The following GRIK4 variants were observed in gnomAD, a reference collection of about 807,000 sequenced individuals.
GRIK4 encodes the protein glutamate receptor ionotropic, kainate 4.
GRIK4 carries 40 observed loss-of-function variants against 104.9 expected under a neutral mutation model. The observed-to-expected ratio is 0.38, with a 90% CI of 0.30 to 0.50. The LOEUF (loss-of-function observed/expected upper bound fraction) is 0.50, where lower values mean the gene tolerates loss of function less well. GRIK4 is among the 20% of genes least tolerant of loss of function. GRIK4 has a pLI of 0.93. For synonymous variants in GRIK4, 485 were observed against 524.9 expected (o/e 0.92, Z 1.04); for missense variants, 1,047 against 1,308.1 (o/e 0.80, Z 3.08).
intron 8 of GRIK4, among the ~76,000 whole-genome samples, chr11:120,852,224 G>A (rs1398277567): frequency 6.6e-6 from 1 of 152,230 alleles, no homozygotes; most frequent in African/African-American, 2.4e-5. Flanking sequence ...AATGAAGACA[G>A]ACCCAGCTGC....
chr11:120,692,028 C>G (rs780692576), intron 3 of GRIK4, among the ~76,000 whole-genome samples: 1 of 152,220 alleles, frequency 6.6e-6, no homozygotes, highest in Non-Finnish European at 1.5e-5. Flanking sequence ...CTGAACACAG[C>G]CCCTCTATGG....
At position 120,736,101 on chromosome 11, in the gene GRIK4, G is replaced by A. The variant is rs1461675115; in HGVS notation, c.83-66592G>A. 3.3e-5 allele frequency among the ~76,000 whole-genome samples: 5 copies of A among 152,166 alleles called. No individual in the cohort carries two copies. The East Asian group carries it at 9.7e-4, about 29-fold the overall frequency. On this transcript the variant is annotated intron_variant, in intron 3 of 20. Coordinates refer to ENST00000527524, the MANE Select transcript of GRIK4 (RefSeq NM_014619.5). ...CAAGGCCCATGGTCTGTATTCCCTGGGTATCACTGTTGGTTATTCAGGGCC... is the reference window on the plus strand; with the variant it reads ...CAAGGCCCATGGTCTGTATTCCCTGAGTATCACTGTTGGTTATTCAGGGCC...
chr11:120,690,332 G>T (rs1220734633), intron 3 of GRIK4, among the ~76,000 whole-genome samples: 2 of 152,184 alleles, frequency 1.3e-5, no homozygotes, highest in African/African-American at 4.8e-5. Flanking sequence ...GTTCGAGAAT[G>T]ATCTTTTGTG....
At chr11:120,752,311 A>T (rs918541873) in intron 3 of GRIK4, among the ~76,000 whole-genome samples, 2 of 152,224 alleles carry the variant, frequency 1.3e-5, no homozygotes, top group African/African-American at 2.4e-5. Context: ...CAGAGTTTTG[A>T]GGCAACTGGG....
chr11:120,772,689 G>A (rs1051749845), intron 3 of GRIK4, among the ~76,000 whole-genome samples: 1 of 151,832 alleles, frequency 6.6e-6, no homozygotes, highest in Non-Finnish European at 1.5e-5. Flanking sequence ...ATTTTATATT[G>A]TGGGGAGAAG....
In GRIK4 at chr11:120,865,688, T is replaced by G. The variant is rs112363271; in HGVS notation, c.906+3568T>G. Among the ~76,000 whole-genome samples, 27 of 152,042 alleles carry G rather than the reference T, an allele frequency of 1.8e-4. 1 individual carries two copies. Among genetic ancestry groups the G allele is most frequent in the African/African-American group, 6.5e-4 (27 of 41,350 alleles). ...AACTCAGTGTTAGGGAGTGAGGAAA[T>G]GTACTCTCCCTTTTAGAGGAAAAAA... On this transcript the variant is annotated intron_variant, in intron 9 of 20. Coordinates refer to ENST00000527524, the MANE Select transcript of GRIK4 (RefSeq NM_014619.5).
intron 8 of GRIK4, among the ~76,000 whole-genome samples, chr11:120,854,053 A>G (rs1954043504): frequency 6.6e-6 from 1 of 152,256 alleles, no homozygotes; most frequent in South Asian, 2.1e-4. Context: ...GTTCACTTCC[A>G]ATTGTGGTCG....
intron 1 of GRIK4, among the ~76,000 whole-genome samples, chr11:120,646,717 G>T (rs909611043): frequency 6.6e-6 from 1 of 152,210 alleles, no homozygotes; most frequent in African/African-American, 2.4e-5. Flanking sequence ...CTGAGAGATA[G>T]GGAGTCAGAC....
At chr11:120,531,912 G>A (rs1947927862) in intron 1 of GRIK4, among the ~76,000 whole-genome samples, 1 of 152,280 alleles carries the variant, frequency 6.6e-6, no homozygotes, top group East Asian at 1.9e-4. Context: ...CCTCATGGTT[G>A]TGGCCCAAGG....
At chr11:120,901,576 T>G (rs1942739385) in intron 12 of GRIK4, among the ~76,000 whole-genome samples, 1 of 152,206 alleles carries the variant, frequency 6.6e-6, no homozygotes, top group African/African-American at 2.4e-5. Flanking sequence ...CCTTCTAGGA[T>G]GAGAGCTCCT....
intron 2 of GRIK4, among the ~76,000 whole-genome samples, chr11:120,659,540 G>A (rs975749002): frequency 2.6e-5 from 4 of 152,258 alleles, no homozygotes; most frequent in East Asian, 1.9e-4. Context: ...ACACTGAGCC[G>A]AGACACAGAG....
chr11:120,733,858 C>A (rs565284526), intron 3 of GRIK4, among the ~76,000 whole-genome samples: 2 of 152,058 alleles, frequency 1.3e-5, no homozygotes, highest in African/African-American at 4.8e-5. Context: ...CTGCCTCAGC[C>A]TCCTGAGTAG....
At chr11:120,823,795 G>C (rs1953184683) in intron 6 of GRIK4, among the ~76,000 whole-genome samples, 1 of 152,214 alleles carries the variant, frequency 6.6e-6, no homozygotes, top group Non-Finnish European at 1.5e-5. Flanking sequence ...GTGCAGTAGG[G>C]GACGGCCCAC....
chr11:120,640,147 A>C (rs917458576), intron 1 of GRIK4, among the ~76,000 whole-genome samples: 9 of 152,220 alleles, frequency 5.9e-5, no homozygotes, highest in Admixed American at 6.5e-5. Flanking sequence ...AAGCAAGTTT[A>C]TTAAGAAAGT....
intron 3 of GRIK4, among the ~76,000 whole-genome samples, chr11:120,666,634 C>G (rs1949919578): frequency 6.6e-6 from 1 of 152,192 alleles, no homozygotes; most frequent in Admixed American, 6.5e-5. Context: ...TCTTAGGTAA[C>G]AGAGCTGATT....
chr11:120,988,478 T>C lies in GRIK4; in HGVS notation c.*2218T>C, dbSNP rs987290288. On this transcript the variant is annotated 3_prime_UTR_variant, in exon 21 of 21. Transcript: ENST00000527524. ...CTATCTTGATCAATAGCAAACTTTTTTTAATGGATTAGTGAAATAAATGTC... is the reference window on the plus strand; with the variant it reads ...CTATCTTGATCAATAGCAAACTTTTCTTAATGGATTAGTGAAATAAATGTC... 6.6e-6 allele frequency: 1 copy of C among 152,238 alleles called. No individual in the cohort carries two copies. The highest frequency in any genetic ancestry group is 1.5e-5 in the Non-Finnish European group (1 of 68,044). 9.4% of individuals were successfully genotyped at this position (152,238 alleles called of 1,614,324 possible). A position where few individuals can be genotyped will look rare whatever the true frequency, so the allele number is the denominator to read the frequency against.
At position 120,555,575 on chromosome 11, in the gene GRIK4, C is replaced by G. The variant is rs1948178824; in HGVS notation, c.-159+43688C>G. Among the ~76,000 whole-genome samples the G allele has an allele frequency of 1.3e-5, 2 of 152,206 alleles. No individual in the cohort carries two copies. The highest frequency in any genetic ancestry group is 2.9e-5 in the Non-Finnish European group (2 of 68,046). ...GGTCGTCTTCTCCCTCACGGTCCGC[C>G]TGCCTTTCCCGACCTACCCACTTCT... On this transcript the variant is annotated intron_variant, in intron 1 of 20. Transcript: ENST00000527524. This position sits in a 1 kb window ranked among gnomAD's most constrained non-coding sequence, Gnocchi z 5.3.
chr11:120,887,968 C>A (rs1352507590), intron 11 of GRIK4, among the ~76,000 whole-genome samples: 2 of 152,066 alleles, frequency 1.3e-5, no homozygotes, highest in South Asian at 2.1e-4. Context: ...GTGGGACCAC[C>A]CAGAGGCGGT....
intron 1 of GRIK4, among the ~76,000 whole-genome samples, chr11:120,546,026 C>T (rs948614812): frequency 6.6e-6 from 1 of 152,132 alleles, no homozygotes; most frequent in Non-Finnish European, 1.5e-5. Context: ...TGGGTACCCT[C>T]GGTTTCTCCC....
Sources: gnomAD v4.1 joint callset for allele counts (sites outside exome capture counted in the v4.1 genomes callset) on GRCh38, gnomAD v4.1.1 for gene constraint, Gnocchi (gnomAD v3.1) non-coding constraint, MANE v1.5 for transcripts, NCBI Gene and HGNC (gene_info 2026-07-23, HGNC 2026-07-21) for gene names.